PCDHA7: variants seen among roughly 807,000 people sequenced by gnomAD.
PCDHA7 encodes protocadherin alpha-7.
In PCDHA7, 37 loss-of-function variants were observed where a neutral mutation model predicts 57.2. That is an observed-to-expected ratio of 0.65 (90% CI 0.50 to 0.85). The LOEUF is 0.85. Among genes scored for constraint, PCDHA7 ranks in the 40% least tolerant of loss-of-function variants. The pLI, the probability that PCDHA7 is intolerant of heterozygous loss-of-function variation, is 0.00. For missense variants in PCDHA7, 1,188 were observed against 1,241.8 expected, an observed-to-expected ratio of 0.96 and a Z score of 0.65; for synonymous variants, 553 against 558.8, an observed-to-expected ratio of 0.99 and a Z score of 0.15.
At position 140,933,976 on chromosome 5, in the gene PCDHA7, A is replaced by G. The variant is rs1359426492; in HGVS notation, c.2356-44973A>G. ...ATCTGTAGTGATGTTTCCCTTTTCA[A>G]TCCTGGTGTTAGTGTCACCTCTCAT... On this transcript the variant is annotated intron_variant, in intron 1 of 3. Coordinates refer to ENST00000525929, the MANE Select transcript of PCDHA7 (RefSeq NM_018910.3). Among the ~76,000 whole-genome samples, 3 of 151,666 alleles carry G rather than the reference A, an allele frequency of 2.0e-5. No homozygotes were observed. The East Asian group carries it at 5.8e-4, about 29-fold the overall frequency.
chr5:140,931,966 A>G (rs1554208694), intron 1 of PCDHA7, among the ~76,000 whole-genome samples: 1 of 151,950 alleles, frequency 6.6e-6, no homozygotes, highest in African/African-American at 2.4e-5. Context: ...ATGTTGATGC[A>G]TATGTGTTTA....
intron 1 of PCDHA7, among the ~76,000 whole-genome samples, chr5:140,941,319 CT>C (rs70988781): frequency 0.38 from 39,984 of 104,186 alleles, 7,512 homozygotes; most frequent in East Asian, 0.57. Flanking sequence ...TCTTCTTTCT[CT>C]TTTTTTTTTT....
chr5:140,856,719 C>A, intron 1 of PCDHA7: 1 of 1,596,152 alleles, frequency 6.3e-7, no homozygotes, highest in Non-Finnish European at 8.6e-7. Flanking sequence ...TTTACCGGAT[C>A]TGTTTCTCTG....
At chr5:140,838,851 G>A (rs1275085955) in intron 1 of PCDHA7, among the ~76,000 whole-genome samples, 1 of 151,804 alleles carries the variant, frequency 6.6e-6, no homozygotes, top group African/African-American at 2.4e-5. Context: ...AAGCCAGGGA[G>A]GTCCAAGCTG....
rs2150236532 is a variant in PCDHA7, at chr5:140,835,484, C to G, written c.1101C>G (p.Thr367=). The G allele has an allele frequency of 8.7e-6, 14 of 1,613,926 alleles. 1 individual carries two copies. The highest frequency in any genetic ancestry group is 1.6e-4 in the Middle Eastern group (1 of 6,062). ...TTCCAGAGGACGCCCAACCAGGTAC[C>G]GTCATCACATTGATTAGCGTGTTTG... ...LPIPEDAQPG[T]VITLISVFDR... Residue 367 remains threonine (T), a synonymous_variant, in exon 1 of 4, where the codon ACC becomes ACG. Coordinates refer to ENST00000525929, the MANE Select transcript of PCDHA7 (RefSeq NM_018910.3).
At chr5:140,903,725 T>C (rs2070536820) in intron 1 of PCDHA7, among the ~76,000 whole-genome samples, 1 of 152,256 alleles carries the variant, frequency 6.6e-6, no homozygotes. Context: ...TTCTCCCTAT[T>C]ATCAATTATT....
In PCDHA7 at chr5:141,009,914, A is replaced by T; in HGVS notation, c.2791A>T (p.Thr931Ser). The change falls in exon 4 of 4, where the codon ACG (threonine) becomes TCG (serine). Residue 931 changes from threonine (T) to serine (S), a missense_variant. Thr to Ser is a moderately conservative substitution (Grantham distance 58). Coordinates refer to ENST00000525929, the MANE Select transcript of PCDHA7 (RefSeq NM_018910.3). ...GGAGAAAAAAGAGAAAGGGAACAGCACGACTGACAACAGTGACCAGTGAGG... is the reference window on the plus strand; with the variant it reads ...GGAGAAAAAAGAGAAAGGGAACAGCTCGACTGACAACAGTGACCAGTGAGG... ...TQEKKEKGNSTTDNSDQ is the reference protein window; with the variant it reads ...TQEKKEKGNSSTDNSDQ The T allele has an allele frequency of 6.2e-7, 1 of 1,611,466 alleles. No homozygotes were observed. The highest frequency in any genetic ancestry group is 8.5e-7 in the Non-Finnish European group (1 of 1,179,328).
At chr5:140,861,560 C>A in intron 1 of PCDHA7, 2 of 391,162 alleles carry the variant, frequency 5.1e-6, no homozygotes, top group Admixed American at 2.5e-5. Flanking sequence ...TGATCGTGGA[C>A]AAGCTGCTAC....
intron 1 of PCDHA7, among the ~76,000 whole-genome samples, chr5:140,888,721 G>A (rs1176739860): frequency 6.6e-6 from 1 of 151,970 alleles, no homozygotes; most frequent in Non-Finnish European, 1.5e-5. Flanking sequence ...AATATTTCCA[G>A]CCCTTTGTGA....
At chr5:140,841,155 C>A in intron 1 of PCDHA7, 1 of 842,000 alleles carries the variant, frequency 1.2e-6, no homozygotes, top group Non-Finnish European at 1.8e-6. Flanking sequence ...TCGCTGTCTA[C>A]CAAGAAGTTC....
At chr5:140,978,770 A>G in intron 1 of PCDHA7, 179 bp from the exon 2 acceptor site, 3 of 956,466 alleles carry the variant, frequency 3.1e-6, no homozygotes, top group Non-Finnish European at 2.5e-6. Context: ...CTGATGAACT[A>G]ATTTTCTTCT....
Position 140,848,364 on chromosome 5 carries a change from G to A in PCDHA7, c.2355+11626G>A, listed in dbSNP as rs2150409515. On this transcript the variant is annotated intron_variant, in intron 1 of 3. Transcript: ENST00000525929. ...AATACAGCCCTTTTCCCATGGGAAA[G>A]AGGCTCAATTCTTTTTCACTCTCTC... The A allele has an allele frequency of 1.5e-5, 16 of 1,077,594 alleles. 3 individuals carry two copies. In the Admixed American group the frequency reaches 2.3e-4, roughly 16 times the overall value. 66.8% of individuals were successfully genotyped at this position (1,077,594 alleles called of 1,614,324 possible). A position where few individuals can be genotyped will look rare whatever the true frequency, so the allele number is the denominator to read the frequency against.
intron 1 of PCDHA7, among the ~76,000 whole-genome samples, chr5:140,844,226 G>A (rs1049637065): frequency 1.3e-5 from 2 of 149,336 alleles, no homozygotes; most frequent in Non-Finnish European, 3.0e-5. Flanking sequence ...AATATCTTTG[G>A]TGTTTCACTA....
In PCDHA7 at chr5:140,982,523, G is replaced by A; in HGVS notation, c.2463G>A (p.Gly821=). Residue 821 remains glycine (G), a synonymous_variant, in exon 3 of 4, where the codon GGG becomes GGA. Coordinates refer to ENST00000525929, the MANE Select transcript of PCDHA7 (RefSeq NM_018910.3). ...EAGILRAGPG[G]PDQQWPTVSS... ...GCATTCTACGGGCTGGTCCAGGAGGGCCTGATCAGCAGTGGCCAACAGTAT... is the reference window on the plus strand; with the variant it reads ...GCATTCTACGGGCTGGTCCAGGAGGACCTGATCAGCAGTGGCCAACAGTAT... 6.2e-7 allele frequency: 1 copy of A among 1,614,220 alleles called. No individual in the cohort carries two copies. The highest frequency in any genetic ancestry group is 8.5e-7 in the Non-Finnish European group (1 of 1,180,034).
chr5:140,865,891 G>T (rs2153226953), intron 1 of PCDHA7: 1 of 152,240 alleles, frequency 6.6e-6, no homozygotes, highest in African/African-American at 2.4e-5. Context: ...AGCACAAATT[G>T]TGTACAGGCA....
At chr5:140,961,617 C>A (rs781986571) in intron 1 of PCDHA7, among the ~76,000 whole-genome samples, 47 of 152,204 alleles carry the variant, frequency 3.1e-4, no homozygotes, top group Middle Eastern at 3.4e-3. Context: ...AACTAAAGTG[C>A]CCATATGAAA....
At chr5:140,893,083 T>C (rs2063812039) in intron 1 of PCDHA7, among the ~76,000 whole-genome samples, 1 of 152,266 alleles carries the variant, frequency 6.6e-6, no homozygotes, top group Non-Finnish European at 1.5e-5. Flanking sequence ...GATTTCATTC[T>C]TTTTTATGGC....
intron 1 of PCDHA7, among the ~76,000 whole-genome samples, chr5:140,975,986 G>C (rs1554237183): frequency 6.6e-6 from 1 of 152,112 alleles, no homozygotes; most frequent in East Asian, 1.9e-4. Context: ...ATAGTCCTGG[G>C]AGGTACCATC....
At chr5:141,001,653 G>A (rs2098030504) in intron 3 of PCDHA7, among the ~76,000 whole-genome samples, 1 of 152,182 alleles carries the variant, frequency 6.6e-6, no homozygotes, top group African/African-American at 2.4e-5. Context: ...TGTGGGAGAA[G>A]GCGGAGCTTG....
Sources: gnomAD v4.1 joint callset for allele counts (sites outside exome capture counted in the v4.1 genomes callset) on GRCh38, gnomAD v4.1.1 for gene constraint, MANE v1.5 for transcripts, NCBI Gene and HGNC (gene_info 2026-07-23, HGNC 2026-07-21) for gene names.